Variants in CCDC141 observed in about 807,000 individuals in gnomAD.
CCDC141 encodes coiled-coil domain containing 141.
In CCDC141, 168 loss-of-function variants were observed where a neutral mutation model predicts 181.0. The observed-to-expected ratio is 0.93, with a 90% confidence interval of 0.82 to 1.05. The LOEUF (loss-of-function observed/expected upper bound fraction) is 1.05, where lower values mean the gene tolerates loss of function less well. Among genes scored for constraint, CCDC141 ranks in the 50% least tolerant of loss-of-function variants. The probability of loss-of-function intolerance (pLI) is 0.00; values close to 1 mark genes in which losing one functional copy is unlikely to be tolerated. For synonymous variants in CCDC141, 666 were observed against 642.3 expected (o/e 1.04, Z -0.56); for missense variants, 1,902 against 1,788.5 (o/e 1.06, Z -1.14).
chr2:178,983,796 C>T (rs1277913852), intron 2 of CCDC141, among the ~76,000 whole-genome samples: 1 of 151,340 alleles, frequency 6.6e-6, no homozygotes, highest in Admixed American at 6.6e-5. Flanking sequence ...GCAAAGCCTC[C>T]AAGAAATATG....
At chr2:178,964,899 C>T (rs149881418) in intron 4 of CCDC141, among the ~76,000 whole-genome samples, 54 of 152,122 alleles carry the variant, frequency 3.5e-4, no homozygotes, top group Admixed American at 9.8e-4. Flanking sequence ...AGAAGATAGT[C>T]GATAAATTTT....
At chr2:178,966,624 T>C (rs1575278128) in intron 4 of CCDC141, among the ~76,000 whole-genome samples, 1 of 152,064 alleles carries the variant, frequency 6.6e-6, no homozygotes, top group East Asian at 1.9e-4. Context: ...CAAAGGTAGA[T>C]AAATCCATAA....
At chr2:178,860,760 G>A (rs1029781738) in intron 17 of CCDC141, among the ~76,000 whole-genome samples, 1 of 151,678 alleles carries the variant, frequency 6.6e-6, no homozygotes, top group African/African-American at 2.4e-5. Flanking sequence ...GAGGCCAGCC[G>A]CTAGCGGCTG....
At chr2:178,927,716 C>T (rs1028428370) in intron 6 of CCDC141, among the ~76,000 whole-genome samples, 5 of 151,568 alleles carry the variant, frequency 3.3e-5, no homozygotes, top group Non-Finnish European at 7.4e-5. Context: ...TGAAGGGTGA[C>T]AGAAAAATGA....
At chr2:178,994,046 TTGTC>T (rs1692175514) in intron 2 of CCDC141, among the ~76,000 whole-genome samples, 2 of 152,170 alleles carry the variant, frequency 1.3e-5, no homozygotes, top group Non-Finnish European at 2.9e-5. Flanking sequence ...TTGGCATTGA[TTGTC>T]TGTGGCTTTT....
chr2:178,987,049 A>G (rs1056770669), intron 2 of CCDC141, among the ~76,000 whole-genome samples: 3 of 151,160 alleles, frequency 2.0e-5, no homozygotes, highest in Non-Finnish European at 2.9e-5. Context: ...GAGGCATCAC[A>G]CTACCTGACT....
chr2:178,948,728 G>A (rs1396534045), intron 5 of CCDC141, among the ~76,000 whole-genome samples: 1 of 152,122 alleles, frequency 6.6e-6, no homozygotes, highest in Non-Finnish European at 1.5e-5. Flanking sequence ...AGCAGACCTG[G>A]TTGTTAAAAA....
At chr2:178,880,444 G>T (rs138398458) in intron 11 of CCDC141, among the ~76,000 whole-genome samples, 18 of 152,254 alleles carry the variant, frequency 1.2e-4, no homozygotes, top group African/African-American at 4.3e-4. Context: ...AATTGAGCAG[G>T]CAGAAGATGA....
At chr2:178,969,326 C>A (rs1690778306) in intron 4 of CCDC141, among the ~76,000 whole-genome samples, 1 of 151,880 alleles carries the variant, frequency 6.6e-6, no homozygotes, top group Admixed American at 6.6e-5. Flanking sequence ...TTTTAGAGCC[C>A]ACAAATGGGA....
In CCDC141 at chr2:178,888,533, T is replaced by C. The variant is rs1227930532; in HGVS notation, c.1401A>G (p.Leu467=). Residue 467 remains leucine, a synonymous_variant, in exon 9 of 24, where the codon CTA becomes CTG. Transcript: ENST00000443758. ...QQLTASVEGY[L]RKVEMSIQKI... is the part of the protein sequence containing the mutation. ...TTTTAGTTTACGAAACTACCTTCCG[T>C]AGGTAACCCTCCACTGAGGCTGTTA... The C allele has an allele frequency of 7.1e-6, 11 of 1,550,172 alleles. No homozygotes were observed. Among genetic ancestry groups the C allele is most frequent in the South Asian group, 1.2e-5 (1 of 84,050 alleles).
In CCDC141 at chr2:178,954,072, G is replaced by C. The variant is rs754213374; in HGVS notation, c.780+7158C>G. 6.2e-4 allele frequency among the ~76,000 whole-genome samples: 95 copies of C among 152,096 alleles called. 1 individual carries two copies. The highest frequency in any genetic ancestry group is 6.8e-4 in the Non-Finnish European group (46 of 68,026). ...AGGTGTATATCTTATATGTGATCTG[G>C]GTGGTAAAAAGAGATTGTCTGCCCT... On this transcript the variant is annotated intron_variant, in intron 5 of 23. Coordinates refer to ENST00000443758, the MANE Select transcript of CCDC141 (RefSeq NM_173648.4).
Position 178,832,161 on chromosome 2 carries a change from A to G in CCDC141, c.*2012T>C, listed in dbSNP as rs1224457622. 6.6e-6 allele frequency: 1 copy of G among 152,146 alleles called. No individual in the cohort carries two copies. Among genetic ancestry groups the G allele is most frequent in the East Asian group, 1.9e-4 (1 of 5,200 alleles). The allele number at this position is 152,146 out of a possible 1,614,324, so 9.4% of individuals were successfully genotyped here. Reference sequence around the variant, plus strand: ...GTTCATGAATAGGTTTTTACTCTTTAGCTTCAACGTGGGCAACAGCAGTTA... The same window carrying G: ...GTTCATGAATAGGTTTTTACTCTTTGGCTTCAACGTGGGCAACAGCAGTTA... On this transcript the variant is annotated 3_prime_UTR_variant, in exon 24 of 24. Transcript: ENST00000443758.
intron 5 of CCDC141, among the ~76,000 whole-genome samples, chr2:178,948,533 T>TG (rs1317581232): frequency 1.3e-5 from 2 of 152,062 alleles, no homozygotes; most frequent in Non-Finnish European, 2.9e-5. Flanking sequence ...AACATCTAAG[T>TG]GGGAATGTTG....
intron 22 of CCDC141, among the ~76,000 whole-genome samples, chr2:178,842,079 A>T (rs1186142960): frequency 3.9e-5 from 6 of 152,178 alleles, no homozygotes; most frequent in Non-Finnish European, 8.8e-5. Flanking sequence ...ACCAAAAAAA[A>T]AATGTGTGTG....
Position 178,832,262 on chromosome 2 carries a change from C to A in CCDC141, c.*1911G>T, listed in dbSNP as rs1307631582. 1.3e-5 allele frequency: 2 copies of A among 152,026 alleles called. No individual in the cohort carries two copies. Among genetic ancestry groups the A allele is most frequent in the East Asian group, 1.9e-4 (1 of 5,176 alleles). The allele number at this position is 152,026 out of a possible 1,614,324, so 9.4% of individuals were successfully genotyped here. On this transcript the variant is annotated 3_prime_UTR_variant, in exon 24 of 24. Coordinates refer to ENST00000443758, the MANE Select transcript of CCDC141 (RefSeq NM_173648.4). ...GGCTATGGTGGCTCATACCTGTAAT[C>A]CTGGCACTTTGGGAGGCTGAGGCCC...
rs894946703 is a variant in CCDC141, at chr2:178,994,890, A to G, written c.226-16215T>C. ...AGTCTCTTTGCTCAAACGTAACAAA[A>G]GTCATCTTTGCTCCAGTTCCCAACA... is the stretch of plus-strand genomic sequence containing the variant. On this transcript the variant is annotated intron_variant, in intron 2 of 23. Coordinates refer to ENST00000443758, the MANE Select transcript of CCDC141 (RefSeq NM_173648.4). 6.6e-5 allele frequency among the ~76,000 whole-genome samples: 10 copies of G among 152,194 alleles called. No individual in the cohort carries two copies. The South Asian group carries it at 1.2e-3, about 19-fold the overall frequency.
intron 22 of CCDC141, among the ~76,000 whole-genome samples, chr2:178,842,556 C>A (rs971891748): frequency 1.3e-5 from 2 of 152,188 alleles, no homozygotes; most frequent in Admixed American, 6.5e-5. Context: ...AGTGATATTC[C>A]TACATCCATT....
intron 2 of CCDC141, among the ~76,000 whole-genome samples, chr2:178,993,056 T>G (rs1282130435): frequency 6.6e-6 from 1 of 152,144 alleles, no homozygotes; most frequent in Non-Finnish European, 1.5e-5. Context: ...ATGTCTTTAT[T>G]AGGAGCATGA....
intron 3 of CCDC141, among the ~76,000 whole-genome samples, chr2:178,977,775 C>T (rs1169329084): frequency 1.3e-5 from 2 of 152,144 alleles, no homozygotes; most frequent in African/African-American, 4.8e-5. Flanking sequence ...CCACCTGACA[C>T]AGAAGTTAAA....
Sources: gnomAD v4.1 joint callset for allele counts (sites outside exome capture counted in the v4.1 genomes callset) on GRCh38, gnomAD v4.1.1 for gene constraint, MANE v1.5 for transcripts, NCBI Gene and HGNC (gene_info 2026-07-23, HGNC 2026-07-21) for gene names.